SLC39A12: variants seen among roughly 807,000 people sequenced by gnomAD.
SLC39A12 encodes zinc transporter ZIP12.
SLC39A12 carries 63 observed loss-of-function variants against 71.1 expected under a neutral mutation model. The ratio of observed to expected loss-of-function variants is 0.89; its 90% CI spans 0.72 to 1.09. The LOEUF (loss-of-function observed/expected upper bound fraction) is 1.09, where lower values mean the gene tolerates loss of function less well. Among genes scored for constraint, SLC39A12 ranks in the 50% least tolerant of loss-of-function variants. SLC39A12 has a pLI of 0.00. For synonymous variants in SLC39A12, 351 were observed against 301.3 expected (o/e 1.16, Z -1.71); for missense variants, 892 against 812.6 (o/e 1.10, Z -1.19).
At position 17,953,793 on chromosome 10, in the gene SLC39A12, G is replaced by A. The variant is rs79716064; in HGVS notation, c.261+256G>A. 3.5e-3 allele frequency among the ~76,000 whole-genome samples: 537 copies of A among 152,244 alleles called. 2 individuals carry two copies. Among genetic ancestry groups the A allele is most frequent in the African/African-American group, 0.012 (515 of 41,520 alleles). On this transcript the variant is annotated intron_variant, in intron 2 of 12. Transcript: ENST00000377369. ...TCTAGAACCCTTCTGCATATTTAGA[G>A]GCATTTATTTGTGAGCGCGAACTTT...
chr10:17,964,006 C>T (rs1239135278), intron 3 of SLC39A12, among the ~76,000 whole-genome samples: 1 of 152,176 alleles, frequency 6.6e-6, no homozygotes, highest in East Asian at 1.9e-4. Flanking sequence ...GAATTCTCTC[C>T]ACTGTTGGCT....
chr10:17,977,795 G>A (rs950473757), intron 4 of SLC39A12, 107 bp from the exon 5 acceptor site: 1 of 868,092 alleles, frequency 1.2e-6, no homozygotes, highest in Non-Finnish European at 1.6e-6. Flanking sequence ...CTTAAAAAAT[G>A]ATAAGAATTC....
At chr10:17,993,106 G>A in intron 8 of SLC39A12, 75 bp from the exon 9 acceptor site, 1 of 1,050,228 alleles carries the variant, frequency 9.5e-7, no homozygotes. Flanking sequence ...GCAATGGAAT[G>A]GAACCGTGGC....
intron 12 of SLC39A12, among the ~76,000 whole-genome samples, chr10:18,023,778 T>C (rs78875295): frequency 0.019 from 2,967 of 152,258 alleles, 40 homozygotes; most frequent in South Asian, 0.044. Flanking sequence ...CTAGGTTGTC[T>C]CTGGGATTTC....
intron 12 of SLC39A12, among the ~76,000 whole-genome samples, chr10:18,023,928 T>C (rs2130879864): frequency 6.6e-6 from 1 of 152,236 alleles, no homozygotes; most frequent in African/African-American, 2.4e-5. Flanking sequence ...CTGGCCACTT[T>C]TCCATAAGGC....
chr10:17,952,537 G>C (rs1834430112), intron 1 of SLC39A12, among the ~76,000 whole-genome samples: 2 of 146,750 alleles, frequency 1.4e-5, no homozygotes, highest in Admixed American at 1.4e-4. Flanking sequence ...GCCCAGGCTG[G>C]AGTGCAGTGG....
chr10:17,961,355 G>A (rs749201988), intron 2 of SLC39A12, among the ~76,000 whole-genome samples: 18 of 152,168 alleles, frequency 1.2e-4, no homozygotes, highest in Non-Finnish European at 1.9e-4. Context: ...ACTTGTGGCC[G>A]ATCTAGTTGG....
At chr10:18,026,816 A>G (rs1188562020) in intron 12 of SLC39A12, among the ~76,000 whole-genome samples, 2 of 152,148 alleles carry the variant, frequency 1.3e-5, no homozygotes, top group Non-Finnish European at 2.9e-5. Flanking sequence ...TTAGCTCATC[A>G]AAGACATTCT....
intron 12 of SLC39A12, among the ~76,000 whole-genome samples, chr10:18,029,482 CAT>C (rs76070658): frequency 0.023 from 3,516 of 152,254 alleles, 69 homozygotes; most frequent in South Asian, 0.11. Flanking sequence ...ACTTGTGAAA[CAT>C]AGTGGTAAAA....
At chr10:17,957,513 G>A (rs1179186963) in intron 2 of SLC39A12, among the ~76,000 whole-genome samples, 1 of 151,560 alleles carries the variant, frequency 6.6e-6, no homozygotes, top group Non-Finnish European at 1.5e-5. Flanking sequence ...ATTCCTGAAT[G>A]AGTCCATTCT....
intron 5 of SLC39A12, among the ~76,000 whole-genome samples, chr10:17,978,978 G>A (rs1835187506): frequency 1.3e-5 from 2 of 152,150 alleles, no homozygotes; most frequent in South Asian, 4.1e-4. Flanking sequence ...AACCCCAAGT[G>A]TAGAGCCCAG....
chr10:18,006,014 T>C (rs77421224), intron 12 of SLC39A12, among the ~76,000 whole-genome samples: 1 of 152,204 alleles, frequency 6.6e-6, no homozygotes, highest in Non-Finnish European at 1.5e-5. Context: ...AAATAGTCGG[T>C]CATTTAAAGG....
chr10:18,017,399 C>T (rs919828790), intron 12 of SLC39A12, among the ~76,000 whole-genome samples: 5 of 152,202 alleles, frequency 3.3e-5, no homozygotes, highest in African/African-American at 1.2e-4. Context: ...ACCTCTGCCT[C>T]CTGGATTCAA....
chr10:17,966,013 C>T (rs1834817620), intron 4 of SLC39A12, among the ~76,000 whole-genome samples: 1 of 152,138 alleles, frequency 6.6e-6, no homozygotes, highest in Admixed American at 6.5e-5. Context: ...CTGGGCCAGG[C>T]CTAACAAACT....
In SLC39A12 at chr10:17,981,402, G is replaced by C; in HGVS notation, c.1015G>C (p.Gly339Arg). The C allele has an allele frequency of 1.2e-6, 2 of 1,613,974 alleles. No homozygotes were observed. Among genetic ancestry groups the C allele is most frequent in the Non-Finnish European group, 1.7e-6 (2 of 1,179,922 alleles). The change falls in exon 6 of 13, where the codon GGG (glycine) becomes CGG (arginine). Residue 339 changes from glycine (G) to arginine (R), a missense_variant. Gly to Arg is a moderately radical substitution (Grantham distance 125). Transcript: ENST00000377369. ...SKEDFKQMSP[G>R]IIQQLLSCSC... Reference sequence around the variant, plus strand: ...GGAGGACTTTAAGCAAATGAGTCCAGGGATCATCCAGCAGCTCCTCAGCTG... The same window carrying C: ...GGAGGACTTTAAGCAAATGAGTCCACGGATCATCCAGCAGCTCCTCAGCTG...
chr10:18,021,546 A>G (rs965984213), intron 12 of SLC39A12, among the ~76,000 whole-genome samples: 1 of 152,120 alleles, frequency 6.6e-6, no homozygotes, highest in Non-Finnish European at 1.5e-5. Flanking sequence ...CAAAGAAAGC[A>G]TACATTTAGG....
intron 7 of SLC39A12, among the ~76,000 whole-genome samples, chr10:17,989,773 C>A (rs1835495757): frequency 6.6e-6 from 1 of 151,966 alleles, no homozygotes; most frequent in African/African-American, 2.4e-5. Context: ...CAAAAACTAG[C>A]CGGGTGTGGT....
chr10:18,021,911 A>C (rs1045740405), intron 12 of SLC39A12, among the ~76,000 whole-genome samples: 4 of 152,110 alleles, frequency 2.6e-5, no homozygotes, highest in Admixed American at 1.3e-4. Context: ...TTCTTGGTTG[A>C]AATTTGTTTT....
chr10:17,983,860 G>T (rs1835335715), intron 6 of SLC39A12, among the ~76,000 whole-genome samples: 1 of 152,114 alleles, frequency 6.6e-6, no homozygotes, highest in Non-Finnish European at 1.5e-5. Flanking sequence ...ATAGGGAAAA[G>T]CTTTAATTTC....
Sources: allele counts gnomAD v4.1 joint callset (sites outside exome capture counted in the v4.1 genomes callset), GRCh38; gene constraint gnomAD v4.1.1; transcripts MANE v1.5; gene names NCBI Gene and HGNC (gene_info 2026-07-23, HGNC 2026-07-21).